Variants in TRAPPC9 observed in about 807,000 individuals in gnomAD.
The protein encoded by TRAPPC9 is trafficking protein particle complex subunit 9, also known as IKK2 binding protein.
A neutral mutation model predicts 124.0 loss-of-function variants in TRAPPC9; 83 were observed. The observed-to-expected ratio is 0.67, with a 90% CI of 0.56 to 0.80. The LOEUF is 0.80. Ranked by LOEUF, TRAPPC9 falls within the 30% of genes least tolerant of loss-of-function variation. The pLI is 0.00. For missense variants in TRAPPC9, 1,302 were observed against 1,508.3 expected, an observed-to-expected ratio of 0.86 and a Z score of 2.27; for synonymous variants, 638 against 617.5, an observed-to-expected ratio of 1.03 and a Z score of -0.49.
At chr8:140,357,542 A>G (rs965270610) in intron 9 of TRAPPC9, among the ~76,000 whole-genome samples, 4 of 151,914 alleles carry the variant, frequency 2.6e-5, no homozygotes, top group Non-Finnish European at 5.9e-5. Context: ...GAGTCCAGGC[A>G]CTACCTCTTT....
intron 21 of TRAPPC9, among the ~76,000 whole-genome samples, chr8:139,745,145 C>T (rs1426173017): frequency 6.6e-6 from 1 of 152,260 alleles, no homozygotes; most frequent in Non-Finnish European, 1.5e-5. Flanking sequence ...GTCACCAACA[C>T]AACACACTGA....
chr8:140,310,007 G>A (rs1341584675), intron 10 of TRAPPC9, among the ~76,000 whole-genome samples: 1 of 152,188 alleles, frequency 6.6e-6, no homozygotes, highest in Non-Finnish European at 1.5e-5. Context: ...GCAATGCACA[G>A]CGACCCTTTC....
intron 17 of TRAPPC9, among the ~76,000 whole-genome samples, chr8:140,109,736 A>G (rs1292504721): frequency 1.3e-5 from 2 of 152,146 alleles, no homozygotes; most frequent in African/African-American, 4.8e-5. Context: ...AACCTCTCAA[A>G]AAATTCCTTT....
chr8:139,887,334 C>A (rs1054313754), intron 20 of TRAPPC9, among the ~76,000 whole-genome samples: 1 of 151,782 alleles, frequency 6.6e-6, no homozygotes, highest in Non-Finnish European at 1.5e-5. Flanking sequence ...GATTCTCCTG[C>A]CTCAGTCTCT....
chr8:140,175,694 G>T (rs758383853), intron 17 of TRAPPC9, among the ~76,000 whole-genome samples: 1 of 152,184 alleles, frequency 6.6e-6, no homozygotes, highest in Non-Finnish European at 1.5e-5. Flanking sequence ...CCATTGAACA[G>T]AATATTTAAA....
At chr8:140,099,120 T>A (rs536625013) in intron 17 of TRAPPC9, 2 of 151,902 alleles carry the variant, frequency 1.3e-5, no homozygotes, top group South Asian at 2.1e-4. Context: ...CTCAGCTAGG[T>A]CTCAGTGCGC....
chr8:140,190,774 C>T (rs1490306202), intron 17 of TRAPPC9, among the ~76,000 whole-genome samples: 2 of 152,144 alleles, frequency 1.3e-5, no homozygotes, highest in Non-Finnish European at 1.5e-5. Flanking sequence ...TTTTTTTAAA[C>T]CCTTAGCAAA....
chr8:139,933,896 C>A (rs1471261361), intron 19 of TRAPPC9: 1 of 152,146 alleles, frequency 6.6e-6, no homozygotes, highest in Non-Finnish European at 1.5e-5. Context: ...ACAATAATGT[C>A]ACGAAGGATT....
At chr8:139,954,126 G>C (rs1432942354) in intron 19 of TRAPPC9, among the ~76,000 whole-genome samples, 1 of 152,176 alleles carries the variant, frequency 6.6e-6, no homozygotes, top group Non-Finnish European at 1.5e-5. Flanking sequence ...GTGGTTACCT[G>C]GGGACTGCGC....
At chr8:140,027,608 G>A (rs1434623425) in intron 17 of TRAPPC9, among the ~76,000 whole-genome samples, 1 of 152,084 alleles carries the variant, frequency 6.6e-6, no homozygotes, top group African/African-American at 2.4e-5. Flanking sequence ...ATAATTATGA[G>A]GGGAAATATC....
intron 17 of TRAPPC9, among the ~76,000 whole-genome samples, chr8:140,150,258 G>A (rs1467732019): frequency 3.3e-5 from 5 of 152,152 alleles, no homozygotes; most frequent in Admixed American, 2.6e-4. Flanking sequence ...GACCAGCCAG[G>A]CCAACATGGC....
chr8:140,292,880 T>C (rs1489499553), intron 11 of TRAPPC9, among the ~76,000 whole-genome samples: 4 of 142,050 alleles, frequency 2.8e-5, no homozygotes, highest in African/African-American at 8.2e-5. Context: ...CTAATTAAAC[T>C]AAAGAGCTTC....
chr8:139,998,773 T>C (rs1838207974), intron 18 of TRAPPC9, among the ~76,000 whole-genome samples: 1 of 152,028 alleles, frequency 6.6e-6, no homozygotes, highest in African/African-American at 2.4e-5. Context: ...ATGAACGATA[T>C]ATGATGAATA....
chr8:139,998,703 C>A (rs1002134896), intron 18 of TRAPPC9, among the ~76,000 whole-genome samples: 3 of 152,112 alleles, frequency 2.0e-5, no homozygotes, highest in African/African-American at 7.2e-5. Context: ...GTCTGGGCAA[C>A]ACAGCGAGAC....
chr8:139,801,052 CCTTCCCTCCCTCCAGTAT>C (rs373554554), intron 21 of TRAPPC9, among the ~76,000 whole-genome samples: 13,346 of 148,070 alleles, frequency 0.09, 2,013 homozygotes, highest in African/African-American at 0.31. Flanking sequence ...CCCTCCGGCA[CCTTCCCTCCCTCCAGTAT>C]CTTCCCTCCC....
intron 17 of TRAPPC9, among the ~76,000 whole-genome samples, chr8:140,065,915 A>G (rs1480677046): frequency 6.6e-6 from 1 of 152,238 alleles, no homozygotes. Flanking sequence ...CTTTACATGT[A>G]CATGTATTCT....
chr8:139,760,727 G>A (rs1586787445), intron 21 of TRAPPC9, among the ~76,000 whole-genome samples: 1 of 152,168 alleles, frequency 6.6e-6, no homozygotes, highest in African/African-American at 2.4e-5. Flanking sequence ...CACTTCTTAC[G>A]TGGATGGCGA....
chr8:139,793,347 A>G (rs1356467093), intron 21 of TRAPPC9, among the ~76,000 whole-genome samples: 1 of 152,070 alleles, frequency 6.6e-6, no homozygotes, highest in Non-Finnish European at 1.5e-5. Flanking sequence ...GCACTACTTG[A>G]TGCCAGTCTT....
intron 17 of TRAPPC9, among the ~76,000 whole-genome samples, chr8:140,032,515 C>G (rs1273574718): frequency 1.3e-5 from 2 of 152,082 alleles, no homozygotes; most frequent in East Asian, 1.9e-4. Context: ...TTAATAGATC[C>G]TGAAAATTTT....
Sources: gnomAD v4.1 joint callset for allele counts (sites outside exome capture counted in the v4.1 genomes callset) on GRCh38, gnomAD v4.1.1 for gene constraint, MANE v1.5 for transcripts, NCBI Gene and HGNC (gene_info 2026-07-23, HGNC 2026-07-21) for gene names.